Variants in GRIA4 observed in about 807,000 individuals in gnomAD.
The protein encoded by GRIA4 is glutamate receptor 4.
Under a neutral mutation model 104.0 loss-of-function variants are expected in GRIA4, and 34 were observed. The ratio of observed to expected loss-of-function variants is 0.33; its 90% CI spans 0.25 to 0.44. GRIA4 has a LOEUF of 0.44. Among genes scored for constraint, GRIA4 ranks in the 20% least tolerant of loss-of-function variants. GRIA4 has a pLI of 1.00. For missense variants in GRIA4, 750 were observed against 1,096.5 expected (o/e 0.68, Z 4.46); for synonymous variants, 386 against 381.9 (o/e 1.01, Z -0.13).
intron 3 of GRIA4, among the ~76,000 whole-genome samples, chr11:105,688,439 T>C (rs922844823): frequency 6.6e-6 from 1 of 152,028 alleles, no homozygotes; most frequent in South Asian, 2.1e-4. Context: ...CGTGCGCCTG[T>C]AGTCCCAGCT....
chr11:105,879,090 G>C (rs2136074946), intron 5 of GRIA4, among the ~76,000 whole-genome samples: 1 of 152,260 alleles, frequency 6.6e-6, no homozygotes. Flanking sequence ...ATCTGGGACA[G>C]AATGCACCAT....
chr11:105,745,508 C>G (rs996047726), intron 3 of GRIA4, among the ~76,000 whole-genome samples: 3 of 152,110 alleles, frequency 2.0e-5, no homozygotes, highest in African/African-American at 4.8e-5. Flanking sequence ...CATATCTACA[C>G]CGACTAATCC....
At chr11:105,870,841 T>C (rs891319798) in intron 5 of GRIA4, among the ~76,000 whole-genome samples, 1 of 152,086 alleles carries the variant, frequency 6.6e-6, no homozygotes, top group African/African-American at 2.4e-5. Context: ...ATTGACGTCG[T>C]GTTTTAGAGC....
chr11:105,861,031 T>C (rs144651501), intron 4 of GRIA4, among the ~76,000 whole-genome samples: 27 of 151,978 alleles, frequency 1.8e-4, no homozygotes, highest in Non-Finnish European at 3.2e-4. Flanking sequence ...GAAGATATAT[T>C]GCATTTCCTG....
At chr11:105,724,051 T>C (rs922745395) in intron 3 of GRIA4, among the ~76,000 whole-genome samples, 1 of 152,044 alleles carries the variant, frequency 6.6e-6, no homozygotes, top group Admixed American at 6.6e-5. Context: ...GGAATGCTCA[T>C]ACAGTGTTGG....
At chr11:105,710,722 G>A (rs541583369) in intron 3 of GRIA4, among the ~76,000 whole-genome samples, 3 of 152,196 alleles carry the variant, frequency 2.0e-5, no homozygotes, top group East Asian at 3.9e-4. Context: ...ATAAATTATT[G>A]AAGCCTCATT....
intron 3 of GRIA4, among the ~76,000 whole-genome samples, chr11:105,715,950 C>A (rs1431130866): frequency 2.0e-5 from 3 of 152,164 alleles, no homozygotes; most frequent in Non-Finnish European, 4.4e-5. Context: ...AAGACTTAAT[C>A]ACTCAGCTGC....
chr11:105,957,375 C>T (rs1482951828), intron 14 of GRIA4, among the ~76,000 whole-genome samples: 2 of 152,154 alleles, frequency 1.3e-5, no homozygotes, highest in Non-Finnish European at 2.9e-5. Context: ...GGAATCCTTT[C>T]CCCATTGCTT....
At chr11:105,819,195 T>C (rs373810484) in intron 4 of GRIA4, among the ~76,000 whole-genome samples, 214 of 152,298 alleles carry the variant, frequency 1.4e-3, no homozygotes, top group African/African-American at 4.8e-3. Flanking sequence ...TTTATGTGCA[T>C]GCTCTGATTG....
At chr11:105,619,582 G>A (rs1421281548) in intron 3 of GRIA4, among the ~76,000 whole-genome samples, 1 of 151,860 alleles carries the variant, frequency 6.6e-6, no homozygotes, top group Non-Finnish European at 1.5e-5. Flanking sequence ...TAAGTCTTAA[G>A]AGAGGGTAAA....
chr11:105,853,927 A>G (rs1944913035), intron 4 of GRIA4, among the ~76,000 whole-genome samples: 1 of 152,202 alleles, frequency 6.6e-6, no homozygotes, highest in African/African-American at 2.4e-5. Flanking sequence ...CTAGCATTAT[A>G]AAAGCAGTTT....
At position 105,866,551 on chromosome 11, in the gene GRIA4, G is replaced by GTGTGTGTGTA. The variant is rs1299256765; in HGVS notation, c.672+4344_672+4345insGTGTGTGTAT. Among the ~76,000 whole-genome samples the GTGTGTGTGTA allele has an allele frequency of 1.2e-3, 92 of 76,716 alleles. 1 individual carries two copies. The highest frequency in any genetic ancestry group is 5.7e-3 in the African/African-American group (88 of 15,338). 50.3% of individuals were successfully genotyped at this position (76,716 alleles called of 152,430 possible). The stretch of plus-strand genomic sequence containing the variant: ...TATACGCATATGTGTGTGTGTGTGT[G>GTGTGTGTGTA]TATATATATATATATATATATATAT... On this transcript the variant is annotated intron_variant, in intron 5 of 16. Transcript: ENST00000282499.
intron 4 of GRIA4, among the ~76,000 whole-genome samples, chr11:105,765,534 T>C (rs1200855045): frequency 2.0e-5 from 3 of 152,178 alleles, no homozygotes; most frequent in African/African-American, 7.2e-5. Flanking sequence ...CCATAGATAG[T>C]ACCAAGTCTG....
chr11:105,618,703 T>A (rs1950663093), intron 3 of GRIA4, among the ~76,000 whole-genome samples: 1 of 151,748 alleles, frequency 6.6e-6, no homozygotes, highest in Non-Finnish European at 1.5e-5. Flanking sequence ...GTCTGGAGCT[T>A]TTGGGTTCAG....
At chr11:105,908,243 C>T (rs1397935057) in intron 9 of GRIA4, among the ~76,000 whole-genome samples, 2 of 152,184 alleles carry the variant, frequency 1.3e-5, no homozygotes, top group South Asian at 2.1e-4. Flanking sequence ...GAATATTTTT[C>T]TGACATCCCT....
At chr11:105,841,115 T>C (rs1480574619) in intron 4 of GRIA4, among the ~76,000 whole-genome samples, 1 of 152,166 alleles carries the variant, frequency 6.6e-6, no homozygotes, top group Non-Finnish European at 1.5e-5. Context: ...CTTCTCTATA[T>C]ATCTTAATGG....
chr11:105,912,187 G>T, intron 10 of GRIA4: 1 of 1,002,470 alleles, frequency 1.0e-6, no homozygotes, highest in Non-Finnish European at 1.2e-6. Context: ...TGAGGTCACT[G>T]TATGTAAATG....
At chr11:105,774,025 G>A (rs1268233127) in intron 4 of GRIA4, among the ~76,000 whole-genome samples, 1 of 151,442 alleles carries the variant, frequency 6.6e-6, no homozygotes, top group African/African-American at 2.4e-5. Context: ...AAATTTTTTT[G>A]TATATGTTTT....
At chr11:105,879,733 T>G (rs1222010471) in intron 5 of GRIA4, among the ~76,000 whole-genome samples, 1 of 152,216 alleles carries the variant, frequency 6.6e-6, no homozygotes, top group Admixed American at 6.5e-5. Flanking sequence ...AATTGTGTCT[T>G]TGTTTCATTA....
Sources: gnomAD v4.1 joint callset for allele counts (sites outside exome capture counted in the v4.1 genomes callset) on GRCh38, gnomAD v4.1.1 for gene constraint, MANE v1.5 for transcripts, NCBI Gene and HGNC (gene_info 2026-07-23, HGNC 2026-07-21) for gene names.